Variants in ADAMTS9 observed in about 807,000 individuals in gnomAD.
ADAMTS9 encodes the protein A disintegrin and metalloproteinase with thrombospondin motifs 9.
Under a neutral mutation model 257.1 loss-of-function variants are expected in ADAMTS9, and 107 were observed. The ratio of observed to expected loss-of-function variants is 0.42; its 90% CI spans 0.36 to 0.49. ADAMTS9 has a LOEUF of 0.49. Among genes scored for constraint, ADAMTS9 ranks in the 20% least tolerant of loss-of-function variants. The pLI is 0.03. For synonymous variants in ADAMTS9, 982 were observed against 880.9 expected (o/e 1.11, Z -2.03); for missense variants, 2,353 against 2,469.1 (o/e 0.95, Z 1.00).
At chr3:64,683,774 C>A (rs924214658) in intron 2 of ADAMTS9, among the ~76,000 whole-genome samples, 11 of 151,880 alleles carry the variant, frequency 7.2e-5, no homozygotes, top group Non-Finnish European at 1.2e-4. Context: ...ATACAAAGCT[C>A]CAATATAGGA....
rs369279831 is a variant in ADAMTS9, at chr3:64,580,733, T to C, written c.4357-12198A>G. Among the ~76,000 whole-genome samples, 21 of 152,326 alleles carry C rather than the reference T, an allele frequency of 1.4e-4. No homozygotes were observed. The East Asian group carries it at 1.7e-3, about 13-fold the overall frequency. ...TGCAAATATTCAGCTATCTCTGACT[T>C]GTGATAAGTAAAATAAACAAAATCA... On this transcript the variant is annotated intron_variant, in intron 28 of 39. Transcript: ENST00000498707.
At chr3:64,609,914 T>C (rs74279543) in intron 22 of ADAMTS9, among the ~76,000 whole-genome samples, 34,660 of 152,100 alleles carry the variant, frequency 0.23, 4,686 homozygotes, top group East Asian at 0.49. Flanking sequence ...GGCATAAGAA[T>C]AGATGTATAG....
At chr3:64,678,031 C>T (rs1168607851) in intron 3 of ADAMTS9, among the ~76,000 whole-genome samples, 1 of 152,154 alleles carries the variant, frequency 6.6e-6, no homozygotes, top group Non-Finnish European at 1.5e-5. Flanking sequence ...AAGACATATT[C>T]CATCTGCGTG....
intron 29 of ADAMTS9, 45 bp from the exon 30 acceptor site, chr3:64,561,796 T>G: frequency 7.3e-7 from 1 of 1,367,520 alleles, no homozygotes; most frequent in East Asian, 2.7e-5. Flanking sequence ...CTCATTTATT[T>G]TTTGGGGGGG....
Position 64,674,094 on chromosome 3 carries a change from T to A in ADAMTS9, c.679+7107A>T, listed in dbSNP as rs938127886. On this transcript the variant is annotated intron_variant, in intron 3 of 39. Transcript: ENST00000498707. ...AGTACTGCACTATTAACACTAAAGTTTTTTTTTAAAAAAAAAGGAAAGCAG... is the reference window on the plus strand; with the variant it reads ...AGTACTGCACTATTAACACTAAAGTATTTTTTTAAAAAAAAAGGAAAGCAG... Among the ~76,000 whole-genome samples the A allele has an allele frequency of 1.2e-4, 18 of 149,436 alleles. No individual in the cohort carries two copies. In the East Asian group the frequency reaches 3.3e-3, roughly 27 times the overall value.
intron 28 of ADAMTS9, among the ~76,000 whole-genome samples, chr3:64,575,409 G>A (rs1210812105): frequency 6.6e-6 from 1 of 152,158 alleles, no homozygotes; most frequent in African/African-American, 2.4e-5. Flanking sequence ...CGTCGCAATG[G>A]GGGCCTGGGG....
chr3:64,559,571 G>T (rs1182998042), intron 30 of ADAMTS9, among the ~76,000 whole-genome samples: 1 of 152,126 alleles, frequency 6.6e-6, no homozygotes, highest in Non-Finnish European at 1.5e-5. Context: ...TTAAATAGAG[G>T]CCCAGGCCAG....
intron 29 of ADAMTS9, 48 bp downstream of exon 29, chr3:64,568,320 C>A: frequency 6.4e-7 from 1 of 1,565,320 alleles, no homozygotes; most frequent in South Asian, 1.2e-5. Flanking sequence ...GGGTCAGCCA[C>A]GTGGCCAAAC....
At chr3:64,600,773 A>G (rs1392256049) in intron 26 of ADAMTS9, among the ~76,000 whole-genome samples, 2 of 152,216 alleles carry the variant, frequency 1.3e-5, no homozygotes. Flanking sequence ...ACAACCAGCA[A>G]AGACAGTGGG....
At chr3:64,638,095 T>A (rs951223733) in intron 12 of ADAMTS9, among the ~76,000 whole-genome samples, 27 of 152,228 alleles carry the variant, frequency 1.8e-4, no homozygotes, top group African/African-American at 6.5e-4. Flanking sequence ...GGGAAATATC[T>A]AGTTCATAAT....
intron 32 of ADAMTS9, among the ~76,000 whole-genome samples, chr3:64,542,181 C>T (rs999642838): frequency 6.6e-6 from 1 of 151,812 alleles, no homozygotes; most frequent in Non-Finnish European, 1.5e-5. Context: ...TGCATTTATA[C>T]AAACATATAT....
chr3:64,580,767 G>T (rs138402756), intron 28 of ADAMTS9, among the ~76,000 whole-genome samples: 1 of 152,126 alleles, frequency 6.6e-6, no homozygotes, highest in African/African-American at 2.4e-5. Flanking sequence ...CAGGAATCTG[G>T]CTAAAAACCC....
In ADAMTS9 at chr3:64,615,950, G is replaced by A; in HGVS notation, c.3024+10C>T. 1 of 1,612,526 alleles carries A rather than the reference G, an allele frequency of 6.2e-7. No individual in the cohort carries two copies. Among genetic ancestry groups the A allele is most frequent in the South Asian group, 1.1e-5 (1 of 91,006 alleles). On this transcript the variant is annotated intron_variant, in intron 20 of 39. Transcript: ENST00000498707. The stretch of plus-strand genomic sequence containing the variant: ...ATCCAAGAAGACTCTTTGAGTGAGA[G>A]CCAACTTACTTCAGTCCAGGCAGAA...
Position 64,566,332 on chromosome 3 carries a change from G to T in ADAMTS9, c.4524+2036C>A, listed in dbSNP as rs187743178. Reference sequence around the variant, plus strand: ...TTGAATTTTACCCATGCAGTACTTTGTCTTGCCTGCTTTTCTTATTTATTT... The same window carrying T: ...TTGAATTTTACCCATGCAGTACTTTTTCTTGCCTGCTTTTCTTATTTATTT... On this transcript the variant is annotated intron_variant, in intron 29 of 39. Transcript: ENST00000498707. Among the ~76,000 whole-genome samples, 236 of 152,264 alleles carry T rather than the reference G, an allele frequency of 1.5e-3. 2 individuals are homozygous for T. Among genetic ancestry groups the T allele is most frequent in the South Asian group, 2.1e-3 (10 of 4,820 alleles).
At chr3:64,683,264 C>A (rs1489843996) in intron 2 of ADAMTS9, among the ~76,000 whole-genome samples, 2 of 152,148 alleles carry the variant, frequency 1.3e-5, no homozygotes, top group Admixed American at 6.5e-5. Context: ...ATGGGGAAAC[C>A]AAGACACAGA....
Position 64,541,079 on chromosome 3 carries a change from C to A in ADAMTS9, c.5521+16G>T. 6.2e-7 allele frequency: 1 copy of A among 1,613,346 alleles called. No homozygotes were observed. Among genetic ancestry groups the A allele is most frequent in the South Asian group, 1.1e-5 (1 of 90,956 alleles). Reference sequence around the variant, plus strand: ...GAAGAACGCACACGTTCCCAAAGGACTCCTCACTAACTTACTGATTATCTG... The same window carrying A: ...GAAGAACGCACACGTTCCCAAAGGAATCCTCACTAACTTACTGATTATCTG... On this transcript the variant is annotated intron_variant, in intron 36 of 39. Coordinates refer to ENST00000498707, the MANE Select transcript of ADAMTS9 (RefSeq NM_182920.2).
At chr3:64,672,575 T>C (rs539255238) in intron 3 of ADAMTS9, among the ~76,000 whole-genome samples, 1 of 152,152 alleles carries the variant, frequency 6.6e-6, no homozygotes, top group South Asian at 2.1e-4. Flanking sequence ...CTCAGCTACT[T>C]GGGAGGCTGA....
At chr3:64,530,956 T>C (rs2082973511) in intron 38 of ADAMTS9, among the ~76,000 whole-genome samples, 1 of 152,084 alleles carries the variant, frequency 6.6e-6, no homozygotes, top group Non-Finnish European at 1.5e-5. Context: ...AATGTATAGA[T>C]TTTGGAGGGA....
At chr3:64,635,186 A>G (rs759376827) in intron 12 of ADAMTS9, among the ~76,000 whole-genome samples, 3 of 152,108 alleles carry the variant, frequency 2.0e-5, no homozygotes, top group Non-Finnish European at 1.5e-5. Context: ...CAGGTCCCAC[A>G]AAGGCCCTCC....
Sources: allele counts gnomAD v4.1 joint callset (sites outside exome capture counted in the v4.1 genomes callset), GRCh38; gene constraint gnomAD v4.1.1; transcripts MANE v1.5; gene names NCBI Gene and HGNC (gene_info 2026-07-23, HGNC 2026-07-21).